Variants in NME1 observed in about 807,000 individuals in gnomAD.
NME1 encodes NME/NM23 nucleoside diphosphate kinase 1, also known as nucleoside diphosphate kinase A.
Under a neutral mutation model 17.2 loss-of-function variants are expected in NME1, and 9 were observed. The observed-to-expected ratio is 0.52, with a 90% CI of 0.32 to 0.92. NME1 has a LOEUF of 0.92. Ranked by LOEUF, NME1 falls within the 40% of genes least tolerant of loss-of-function variation. The pLI is 0.04. For synonymous variants in NME1, 72 were observed against 70.8 expected (o/e 1.02, Z -0.09); for missense variants, 169 against 201.7 (o/e 0.84, Z 0.98).
chr17:51,161,838 A>T lies in NME1; in HGVS notation c.452A>T (p.Tyr151Phe), dbSNP rs781295906. ...ACGAGCTGTGCTCAGAACTGGATCTATGAATGACAGGAGGGCAGACCACAT... is the reference window on the plus strand; with the variant it reads ...ACGAGCTGTGCTCAGAACTGGATCTTTGAATGACAGGAGGGCAGACCACAT... The part of the protein sequence containing the change: ...DYTSCAQNWI[Y>F]E Residue 151 changes from tyrosine (Y) to phenylalanine (F), a missense_variant, in exon 5 of 5, where the codon TAT becomes TTT. Tyr to Phe is a conservative substitution (Grantham distance 22). Transcript: ENST00000393196. The T allele has an allele frequency of 6.2e-7, 1 of 1,607,486 alleles. No homozygotes were observed. Among genetic ancestry groups the T allele is most frequent in the African/African-American group, 1.3e-5 (1 of 74,846 alleles).
intron 1 of NME1, among the ~76,000 whole-genome samples, chr17:51,154,881 A>G (rs965961057): frequency 6.6e-6 from 1 of 152,180 alleles, no homozygotes; most frequent in African/African-American, 2.4e-5. Flanking sequence ...CTTGTTTTTA[A>G]CATCCTGTAT....
At chr17:51,155,237 A>G (rs2049768382) in intron 1 of NME1, among the ~76,000 whole-genome samples, 1 of 126,340 alleles carries the variant, frequency 7.9e-6, no homozygotes. Flanking sequence ...GCAAGACTCC[A>G]TACCAAAAAA....
Position 51,155,672 on chromosome 17 carries a change from T to C in NME1, c.18T>C (p.Arg6=). The C allele has an allele frequency of 6.2e-7, 1 of 1,614,048 alleles. No individual in the cohort carries two copies. Residue 6 remains arginine, a synonymous_variant, in exon 2 of 5, where the codon CGT becomes CGC. Coordinates refer to ENST00000393196, the MANE Select transcript of NME1 (RefSeq NM_000269.3). ...CCAGAACCATGGCCAACTGTGAGCG[T>C]ACCTTCATTGCGATCAAACCAGATG... MANCE[R]TFIAIKPDGV...
intron 2 of NME1, 143 bp downstream of exon 2, chr17:51,155,923 G>C: frequency 7.5e-7 from 1 of 1,338,844 alleles, no homozygotes. Flanking sequence ...AAACTCCTCA[G>C]TGCCCTAGCG....
At chr17:51,157,498 C>T (rs567535880) in intron 2 of NME1, among the ~76,000 whole-genome samples, 3 of 152,302 alleles carry the variant, frequency 2.0e-5, no homozygotes, top group South Asian at 2.1e-4. Flanking sequence ...TAGGCCTCAC[C>T]TCCCAACATT....
chr17:51,155,974 T>G, intron 2 of NME1, 194 bp downstream of exon 2: 1 of 717,512 alleles, frequency 1.4e-6, no homozygotes, highest in South Asian at 1.7e-5. Flanking sequence ...TTTAGGATTT[T>G]CCAAAATAGT....
intron 2 of NME1, among the ~76,000 whole-genome samples, chr17:51,156,784 C>T (rs1349264561): frequency 6.7e-6 from 1 of 149,916 alleles, no homozygotes; most frequent in African/African-American, 2.5e-5. Flanking sequence ...CCCAGCTACT[C>T]GGGAGGCTGA....
Position 51,161,675 on chromosome 17 carries a change from C to A in NME1, c.342-53C>A, listed in dbSNP as rs2159359. On this transcript the variant is annotated intron_variant, in intron 4 of 4. Coordinates refer to ENST00000393196, the MANE Select transcript of NME1 (RefSeq NM_000269.3). ...GTGGCTGTAGATTTCTGGCAATGGG[C>A]GCATTTTAATCCTTCTGGTCTTGGT... is the stretch of plus-strand genomic sequence containing the variant. The A allele has an allele frequency of 0.19, 243,042 of 1,289,496 alleles. 24,652 individuals are homozygous for A. Among genetic ancestry groups the A allele is most frequent in the African/African-American group, 0.34 (23,038 of 68,582 alleles). The allele number at this position is 1,289,496 out of a possible 1,614,324, so 79.9% of individuals were successfully genotyped here.
At chr17:51,154,904 G>A (rs2049762428) in intron 1 of NME1, among the ~76,000 whole-genome samples, 1 of 152,134 alleles carries the variant, frequency 6.6e-6, no homozygotes, top group Non-Finnish European at 1.5e-5. Flanking sequence ...TAGTTCCACC[G>A]CAGTGTTTGG....
At chr17:51,161,021 A>G in intron 3 of NME1, 139 bp from the exon 4 acceptor site, 2 of 873,142 alleles carry the variant, frequency 2.3e-6, no homozygotes, top group East Asian at 2.6e-5. Context: ...ATAAGTGGAT[A>G]TACTCTATAA....
At chr17:51,155,823 TAGG>T (rs1259124206) in intron 2 of NME1, 43 bp downstream of exon 2, 2 of 1,610,172 alleles carry the variant, frequency 1.2e-6, no homozygotes, top group African/African-American at 2.7e-5. Flanking sequence ...CTTCATAGTA[TAGG>T]AGAACACTGT....
chr17:51,155,356 G>A (rs1035208769), intron 1 of NME1, among the ~76,000 whole-genome samples: 9 of 151,878 alleles, frequency 5.9e-5, no homozygotes, highest in Admixed American at 2.0e-4. Flanking sequence ...CGAGACCAGC[G>A]TGGGCAACAT....
intron 1 of NME1, 163 bp downstream of exon 1, chr17:51,153,825 C>T: frequency 6.2e-6 from 1 of 162,232 alleles, no homozygotes; most frequent in Non-Finnish European, 1.4e-5. Flanking sequence ...GCAGACCGGT[C>T]GGCGCACGTC....
chr17:51,158,610 A>G (rs530212584), intron 2 of NME1, among the ~76,000 whole-genome samples: 168 of 152,352 alleles, frequency 1.1e-3, no homozygotes, highest in Non-Finnish European at 2.1e-3. Flanking sequence ...GAGTGATTAT[A>G]TGGCCATGTA....
In NME1 at chr17:51,161,830, C is replaced by G; in HGVS notation, c.444C>G (p.Asn148Lys). ...ELVDYTSCAQ[N>K]WIYE ...TAGATTACACGAGCTGTGCTCAGAA[C>G]TGGATCTATGAATGACAGGAGGGCA... The change falls in exon 5 of 5, where the codon AAC becomes AAG. Residue 148 changes from asparagine (N) to lysine (K), a missense_variant. Transcript: ENST00000393196. 6.2e-7 allele frequency: 1 copy of G among 1,611,700 alleles called. No homozygotes were observed. The highest frequency in any genetic ancestry group is 8.5e-7 in the Non-Finnish European group (1 of 1,177,872).
chr17:51,155,683 C>T lies in NME1; in HGVS notation c.29C>T (p.Ala10Val), dbSNP rs142453605. The T allele has an allele frequency of 3.9e-5, 63 of 1,613,854 alleles. No individual in the cohort carries two copies. The highest frequency in any genetic ancestry group is 2.8e-5 in the Non-Finnish European group (33 of 1,179,930). MANCERTFI[A>V]IKPDGVQRGL... Reference sequence around the variant, plus strand: ...GCCAACTGTGAGCGTACCTTCATTGCGATCAAACCAGATGGGGTCCAGCGG... The same window carrying T: ...GCCAACTGTGAGCGTACCTTCATTGTGATCAAACCAGATGGGGTCCAGCGG... The change falls in exon 2 of 5, where the codon GCG (alanine) becomes GTG (valine). Residue 10 changes from alanine to valine, a missense_variant. By Grantham distance (64) the Ala-to-Val change is moderately conservative. Transcript: ENST00000393196.
chr17:51,154,163 T>G, intron 1 of NME1: 1 of 544,330 alleles, frequency 1.8e-6, no homozygotes, highest in Non-Finnish European at 3.3e-6. Flanking sequence ...CTCTCTCTTT[T>G]TTTTTTTTTG....
rs1021270537 is a variant in NME1, at chr17:51,161,710, A to C, written c.342-18A>C. Reference sequence around the variant, plus strand: ...TCCTTCTGGTCTTGGTCATGTGACTATCTCTTTCTCCACCCAGGAACATTA... The same window carrying C: ...TCCTTCTGGTCTTGGTCATGTGACTCTCTCTTTCTCCACCCAGGAACATTA... On this transcript the variant is annotated intron_variant, in intron 4 of 4. Coordinates refer to ENST00000393196, the MANE Select transcript of NME1 (RefSeq NM_000269.3). 2 of 1,574,956 alleles carry C rather than the reference A, an allele frequency of 1.3e-6. No homozygotes were observed. Among genetic ancestry groups the C allele is most frequent in the Admixed American group, 3.3e-5 (2 of 59,988 alleles).
rs1161137953 is a variant in NME1, at chr17:51,160,610, C to CTTTTTTT, written c.229-539_229-533dup. 1.1e-5 allele frequency: 2 copies of CTTTTTTT among 177,750 alleles called. 1 individual carries two copies. 11.0% of individuals were successfully genotyped at this position (177,750 alleles called of 1,614,324 possible). A position where few individuals can be genotyped will look rare whatever the true frequency, so the allele number is the denominator to read the frequency against. On this transcript the variant is annotated intron_variant, in intron 3 of 4. Transcript: ENST00000393196. ...ATGGGACACTTCACACTTGGCATTT[C>CTTTTTTT]TTTTTTTTTTTTTTTTTGAGACGGA...
Sources: allele counts gnomAD v4.1 joint callset (sites outside exome capture counted in the v4.1 genomes callset), GRCh38; gene constraint gnomAD v4.1.1; transcripts MANE v1.5; gene names NCBI Gene and HGNC (gene_info 2026-07-23, HGNC 2026-07-21).